The following EYS variants were observed in gnomAD, a reference collection of about 807,000 sequenced individuals.
The protein encoded by EYS is protein eyes shut homolog.
A neutral mutation model predicts 282.1 loss-of-function variants in EYS; 250 were observed. That is an observed-to-expected ratio of 0.89 (90% CI 0.80 to 0.98). EYS has a LOEUF of 0.98. Among genes scored for constraint, EYS ranks in the 50% least tolerant of loss-of-function variants. EYS has a pLI of 0.00. For synonymous variants in EYS, 1,355 were observed against 1,282.9 expected, an observed-to-expected ratio of 1.06 and a Z score of -1.20; for missense variants, 4,016 against 3,709.0, an observed-to-expected ratio of 1.08 and a Z score of -2.15.
intron 4 of EYS, 124 bp from the exon 5 acceptor site, chr6:65,490,831 T>A (rs1766015909): frequency 1.5e-6 from 1 of 658,656 alleles, no homozygotes. Context: ...TATGAAACCA[T>A]GTTATACGAT....
intron 13 of EYS, among the ~76,000 whole-genome samples, chr6:65,010,052 GC>G (rs1771817016): frequency 1.3e-5 from 2 of 152,254 alleles, no homozygotes; most frequent in South Asian, 4.1e-4. Context: ...GGCTTTCCAG[GC>G]CCTAAAGAAG....
chr6:64,542,673 CAT>C (rs1562050948), intron 26 of EYS, among the ~76,000 whole-genome samples: 1 of 151,982 alleles, frequency 6.6e-6, no homozygotes, highest in African/African-American at 2.4e-5. Flanking sequence ...TAAAATAACA[CAT>C]ATAAAATGAC....
intron 2 of EYS, among the ~76,000 whole-genome samples, chr6:65,524,951 T>C (rs1767501304): frequency 6.6e-6 from 1 of 152,222 alleles, no homozygotes; most frequent in African/African-American, 2.4e-5. Flanking sequence ...AATTGAGCAC[T>C]GAGCGATGGC....
At chr6:65,702,220 C>T (rs986294818) in intron 1 of EYS, among the ~76,000 whole-genome samples, 26 of 152,080 alleles carry the variant, frequency 1.7e-4, no homozygotes, top group African/African-American at 6.0e-4. Flanking sequence ...TTTCTCATTA[C>T]ATTTTATTTG....
intron 31 of EYS, among the ~76,000 whole-genome samples, chr6:64,165,735 C>G (rs900666262): frequency 9.9e-5 from 15 of 152,146 alleles, no homozygotes; most frequent in African/African-American, 3.4e-4. Flanking sequence ...ATGGCTCCAT[C>G]AGACCAAAAA....
chr6:65,402,371 C>A (rs1766540876), intron 7 of EYS, 107 bp downstream of exon 7: 2 of 766,664 alleles, frequency 2.6e-6, no homozygotes, highest in Admixed American at 4.4e-5. Context: ...TATTATATAC[C>A]ATTAAGTAAA....
intron 33 of EYS, among the ~76,000 whole-genome samples, chr6:64,051,812 G>A (rs1300607033): frequency 1.3e-5 from 2 of 152,098 alleles, no homozygotes; most frequent in Non-Finnish European, 2.9e-5. Context: ...ACAAACAACT[G>A]ATAGCTCTTT....
At chr6:64,177,619 T>C (rs1764674819) in intron 31 of EYS, among the ~76,000 whole-genome samples, 1 of 152,122 alleles carries the variant, frequency 6.6e-6, no homozygotes, top group South Asian at 2.1e-4. Context: ...CCTCATCAAA[T>C]AATGTTTACT....
At chr6:65,580,632 T>C (rs1562270201) in intron 2 of EYS, among the ~76,000 whole-genome samples, 1 of 152,150 alleles carries the variant, frequency 6.6e-6, no homozygotes, top group Non-Finnish European at 1.5e-5. Flanking sequence ...TACTCTGTGC[T>C]GTTATTTGAA....
At chr6:65,336,999 C>T (rs939387019) in intron 10 of EYS, among the ~76,000 whole-genome samples, 1 of 151,370 alleles carries the variant, frequency 6.6e-6, no homozygotes, top group African/African-American at 2.4e-5. Flanking sequence ...CATATTTTCA[C>T]ATTTTCTTTT....
At chr6:65,596,232 A>T (rs943900160) in intron 2 of EYS, among the ~76,000 whole-genome samples, 1 of 152,018 alleles carries the variant, frequency 6.6e-6, no homozygotes, top group Non-Finnish European at 1.5e-5. Context: ...GTCCTTAGAG[A>T]CCTTGAGCCA....
intron 26 of EYS, among the ~76,000 whole-genome samples, chr6:64,579,497 ACTATTATAATTATC>A (rs931613381): frequency 1.1e-4 from 17 of 152,128 alleles, no homozygotes; most frequent in African/African-American, 4.1e-4. Context: ...AATGCCAGTT[ACTATTATAATTATC>A]CTTGAAACCA....
chr6:65,424,747 C>T (rs1443784895), intron 5 of EYS, among the ~76,000 whole-genome samples: 6 of 151,830 alleles, frequency 4.0e-5, no homozygotes, highest in East Asian at 1.9e-4. Context: ...AGGCATGTAC[C>T]GGTTAATGGA....
At chr6:65,616,856 A>G (rs1766217451) in intron 2 of EYS, among the ~76,000 whole-genome samples, 1 of 152,086 alleles carries the variant, frequency 6.6e-6, no homozygotes, top group Non-Finnish European at 1.5e-5. Flanking sequence ...TATATATCTT[A>G]GTTCAATATT....
intron 29 of EYS, among the ~76,000 whole-genome samples, chr6:64,327,544 G>T (rs998554072): frequency 2.6e-5 from 4 of 152,070 alleles, no homozygotes; most frequent in African/African-American, 9.7e-5. Flanking sequence ...GGTAGTCACC[G>T]GGGTTGGAGA....
chr6:65,193,913 A>G (rs1423843905), intron 12 of EYS, among the ~76,000 whole-genome samples: 1 of 151,884 alleles, frequency 6.6e-6, no homozygotes, highest in Non-Finnish European at 1.5e-5. Context: ...AATGCCTGCA[A>G]TAATAACATC....
intron 12 of EYS, among the ~76,000 whole-genome samples, chr6:65,249,584 C>T (rs937383872): frequency 1.3e-5 from 2 of 150,294 alleles, no homozygotes; most frequent in African/African-American, 4.9e-5. Context: ...GGTTTAAACA[C>T]TATCAAGAAA....
intron 35 of EYS, among the ~76,000 whole-genome samples, chr6:63,928,720 C>G (rs1455000483): frequency 6.6e-6 from 1 of 152,162 alleles, no homozygotes; most frequent in Non-Finnish European, 1.5e-5. Context: ...ATTCAAGTTT[C>G]AATTCAAATC....
intron 12 of EYS, among the ~76,000 whole-genome samples, chr6:65,186,787 A>C (rs986808292): frequency 6.6e-5 from 10 of 151,744 alleles, no homozygotes; most frequent in Non-Finnish European, 1.3e-4. Flanking sequence ...ACAGTACTTG[A>C]AGACATTTAA....
Sources: allele counts gnomAD v4.1 joint callset (sites outside exome capture counted in the v4.1 genomes callset), GRCh38; gene constraint gnomAD v4.1.1; transcripts MANE v1.5; gene names NCBI Gene and HGNC (gene_info 2026-07-23, HGNC 2026-07-21).